The following ARHGAP18 variants were observed in gnomAD, a reference collection of about 807,000 sequenced individuals.
ARHGAP18 encodes the protein Rho GTPase activating protein 18, also known as rho GTPase-activating protein 18.
Under a neutral mutation model 86.2 loss-of-function variants are expected in ARHGAP18, and 67 were observed. The ratio of observed to expected loss-of-function variants is 0.78; its 90% CI spans 0.64 to 0.95. The LOEUF is 0.95. ARHGAP18 is among the 40% of genes least tolerant of loss of function. The probability of loss-of-function intolerance (pLI) is 0.00; values close to 1 mark genes in which losing one functional copy is unlikely to be tolerated. For missense variants in ARHGAP18, 691 were observed against 780.4 expected, an observed-to-expected ratio of 0.89 and a Z score of 1.37; for synonymous variants, 283 against 280.4, an observed-to-expected ratio of 1.01 and a Z score of -0.09.
chr6:129,701,946 T>C (rs1008766102), intron 1 of ARHGAP18, among the ~76,000 whole-genome samples: 1 of 152,076 alleles, frequency 6.6e-6, no homozygotes, highest in African/African-American at 2.4e-5. Context: ...ATTGAGAGTC[T>C]CCAAGAGAAC....
chr6:129,584,192 T>C, intron 12 of ARHGAP18, 80 bp from the exon 13 acceptor site: 1 of 1,555,392 alleles, frequency 6.4e-7, no homozygotes, highest in Non-Finnish European at 8.7e-7. Context: ...ATAGTAAGTG[T>C]GCTTAACTAC....
intron 1 of ARHGAP18, among the ~76,000 whole-genome samples, chr6:129,684,281 A>G (rs1303770761): frequency 1.3e-5 from 2 of 152,242 alleles, no homozygotes; most frequent in Non-Finnish European, 2.9e-5. Context: ...AACGTTCTGT[A>G]TTCAGTACCC....
At chr6:129,618,875 A>G (rs1405389127) in intron 5 of ARHGAP18, 23 bp from the exon 6 acceptor site, 2 of 1,602,502 alleles carry the variant, frequency 1.2e-6, no homozygotes, top group Non-Finnish European at 1.7e-6. Flanking sequence ...TCATTAATAT[A>G]GTAAAAGCTT....
chr6:129,702,552 G>T (rs545617050), intron 1 of ARHGAP18, among the ~76,000 whole-genome samples: 11 of 152,352 alleles, frequency 7.2e-5, no homozygotes, highest in South Asian at 4.1e-4. Flanking sequence ...GGAGAGGATT[G>T]TTGTCATACC....
intron 1 of ARHGAP18, among the ~76,000 whole-genome samples, chr6:129,687,746 G>T (rs992009048): frequency 6.6e-6 from 1 of 152,088 alleles, no homozygotes; most frequent in Non-Finnish European, 1.5e-5. Context: ...GACAGAGGAG[G>T]TAACTGTCTC....
At chr6:129,583,077 C>T (rs1462707354) in intron 13 of ARHGAP18, among the ~76,000 whole-genome samples, 2 of 152,168 alleles carry the variant, frequency 1.3e-5, no homozygotes, top group Non-Finnish European at 2.9e-5. Context: ...CTGTTTAAGG[C>T]CTTGTGCTTT....
chr6:129,675,320 C>T (rs1330872471), intron 1 of ARHGAP18, among the ~76,000 whole-genome samples: 2 of 149,178 alleles, frequency 1.3e-5, no homozygotes, highest in African/African-American at 5.0e-5. Context: ...GGAGGCAGAG[C>T]TTGCAGTGAA....
At chr6:129,599,099 A>AAAG in intron 12 of ARHGAP18, 117 bp downstream of exon 12, 2 of 814,392 alleles carry the variant, frequency 2.5e-6, no homozygotes, top group Admixed American at 7.5e-5. Flanking sequence ...ACTTACAAGT[A>AAAG]GCACCACAGC....
intron 7 of ARHGAP18, among the ~76,000 whole-genome samples, chr6:129,615,898 G>A (rs978953125): frequency 1.2e-4 from 19 of 152,148 alleles, no homozygotes; most frequent in Non-Finnish European, 2.8e-4. Context: ...TCATGAGGAT[G>A]CAATTCCCTA....
chr6:129,615,250 T>G (rs1789071251), intron 7 of ARHGAP18, among the ~76,000 whole-genome samples: 1 of 152,226 alleles, frequency 6.6e-6, no homozygotes, highest in South Asian at 2.1e-4. Context: ...TCACAGGTAC[T>G]GCTGACAGCT....
Position 129,605,947 on chromosome 6 carries a change from T to C in ARHGAP18, c.1295A>G (p.Lys432Arg), listed in dbSNP as rs1788844391. Residue 432 changes from lysine (K) to arginine (R), a missense_variant, in exon 10 of 15, where the codon AAG becomes AGG. Physicochemically the swap from Lys to Arg is conservative, Grantham distance 26. Coordinates refer to ENST00000368149, the MANE Select transcript of ARHGAP18 (RefSeq NM_033515.3). The stretch of plus-strand genomic sequence containing the variant: ...GTTCAAAGCCTGTAGTTGCTGCTTC[T>C]TGGTTGGAAGATCTGCAGACAAATT... ...AFQAVQNLPT[K>R]KQQLQALNLL... 5 of 1,613,532 alleles carry C rather than the reference T, an allele frequency of 3.1e-6. No homozygotes were observed. Among genetic ancestry groups the C allele is most frequent in the South Asian group, 2.2e-5 (2 of 91,070 alleles).
rs1403798551 is a variant in ARHGAP18, at chr6:129,599,282, C to A, written c.1647G>T (p.Lys549Asn). Residue 549 changes from lysine to asparagine, a missense_variant, in exon 12 of 15, where the codon AAG becomes AAT. Physicochemically the swap from Lys to Asn is moderately conservative, Grantham distance 94. Coordinates refer to ENST00000368149, the MANE Select transcript of ARHGAP18 (RefSeq NM_033515.3). ...ENHKKDKRAM[K>N]KLLKKMAYDR... ...CATAAGCCATTTTCTTCAGCAATTT[C>A]TTCATGGCTCTTTTATCCTTTTTAT... The A allele has an allele frequency of 1.9e-6, 3 of 1,596,578 alleles. No homozygotes were observed. The highest frequency in any genetic ancestry group is 2.6e-6 in the Non-Finnish European group (3 of 1,173,656).
At chr6:129,707,961 GC>G (rs1425524189) in intron 1 of ARHGAP18, among the ~76,000 whole-genome samples, 2 of 151,790 alleles carry the variant, frequency 1.3e-5, no homozygotes, top group Admixed American at 6.6e-5. Context: ...CCAGTTCACC[GC>G]CCCGAAACCA....
At chr6:129,632,957 C>T (rs1179519536) in intron 4 of ARHGAP18, among the ~76,000 whole-genome samples, 1 of 152,110 alleles carries the variant, frequency 6.6e-6, no homozygotes, top group Non-Finnish European at 1.5e-5. Context: ...ATGAACACTC[C>T]AGTTGCTAAA....
intron 1 of ARHGAP18, among the ~76,000 whole-genome samples, chr6:129,643,449 G>A (rs1351579125): frequency 2.0e-5 from 3 of 152,096 alleles, no homozygotes; most frequent in African/African-American, 7.2e-5. Context: ...GGGTGTGTTT[G>A]CCTCCCTTTC....
chr6:129,643,573 G>C (rs1051307413), intron 1 of ARHGAP18, among the ~76,000 whole-genome samples: 1 of 152,258 alleles, frequency 6.6e-6, no homozygotes, highest in South Asian at 2.1e-4. Flanking sequence ...AGCAGCGTGA[G>C]AATGGACTAA....
At chr6:129,679,375 T>C (rs928972320) in intron 1 of ARHGAP18, among the ~76,000 whole-genome samples, 9 of 152,196 alleles carry the variant, frequency 5.9e-5, no homozygotes, top group African/African-American at 1.9e-4. Flanking sequence ...ATAAAAAGAA[T>C]AGGGAGAAAC....
In ARHGAP18 at chr6:129,644,844, A is replaced by G. The variant is rs1274705732; in HGVS notation, c.114-2826T>C. ...CCATTGTTACATAAATACACCATCT[A>G]TATCAAGCCTTGCTTTCAAAACATG... On this transcript the variant is annotated intron_variant, in intron 1 of 14. Coordinates refer to ENST00000368149, the MANE Select transcript of ARHGAP18 (RefSeq NM_033515.3). Among the ~76,000 whole-genome samples, 3 of 152,232 alleles carry G rather than the reference A, an allele frequency of 2.0e-5. No individual in the cohort carries two copies. In the East Asian group the frequency reaches 5.8e-4, roughly 29 times the overall value.
At chr6:129,618,604 G>T (rs1789144023) in intron 6 of ARHGAP18, 83 bp downstream of exon 6, 2 of 1,325,140 alleles carry the variant, frequency 1.5e-6, no homozygotes, top group South Asian at 3.1e-5. Flanking sequence ...TGTTTTCCCT[G>T]TCTCCCAGAA....
Sources: gnomAD v4.1 joint callset for allele counts (sites outside exome capture counted in the v4.1 genomes callset) on GRCh38, gnomAD v4.1.1 for gene constraint, MANE v1.5 for transcripts, NCBI Gene and HGNC (gene_info 2026-07-23, HGNC 2026-07-21) for gene names.